The following LRRC69 variants were observed in gnomAD, a reference collection of about 807,000 sequenced individuals.
LRRC69 encodes leucine-rich repeat-containing protein 69.
LRRC69 carries 42 observed loss-of-function variants against 37.8 expected under a neutral mutation model. That is an observed-to-expected ratio of 1.11 (90% CI 0.87 to 1.44). LRRC69 has a LOEUF of 1.44. LRRC69 is among the 40% of genes most tolerant of loss of function. The pLI is 0.00. For synonymous variants in LRRC69, 141 were observed against 143.1 expected, an observed-to-expected ratio of 0.99 and a Z score of 0.11; for missense variants, 357 against 401.9, an observed-to-expected ratio of 0.89 and a Z score of 0.96.
chr8:91,160,626 G>A (rs978180580), intron 5 of LRRC69, among the ~76,000 whole-genome samples: 2 of 151,216 alleles, frequency 1.3e-5, no homozygotes, highest in African/African-American at 2.4e-5. Flanking sequence ...CTGACCATGT[G>A]AAGATGTGCC....
chr8:91,114,366 G>A (rs540695953), intron 1 of LRRC69, among the ~76,000 whole-genome samples: 10 of 151,986 alleles, frequency 6.6e-5, no homozygotes, highest in East Asian at 1.9e-4. Context: ...TCATTGCAGC[G>A]TTATTCACAA....
intron 7 of LRRC69, among the ~76,000 whole-genome samples, chr8:91,217,159 G>A (rs991050471): frequency 1.3e-5 from 2 of 152,082 alleles, no homozygotes; most frequent in African/African-American, 4.8e-5. Context: ...ATTCTTAGAG[G>A]CAGGGATTGT....
chr8:91,111,247 A>G (rs1813405971), intron 1 of LRRC69, among the ~76,000 whole-genome samples: 1 of 152,060 alleles, frequency 6.6e-6, no homozygotes, highest in Non-Finnish European at 1.5e-5. Flanking sequence ...AAAAAATGAG[A>G]TTATGGGCCA....
chr8:91,138,757 A>G (rs1808470127), intron 5 of LRRC69: 1 of 151,994 alleles, frequency 6.6e-6, no homozygotes, highest in South Asian at 2.1e-4. Context: ...TAGTGAATTA[A>G]TTGTTTCAGA....
intron 5 of LRRC69, among the ~76,000 whole-genome samples, chr8:91,146,563 T>A (rs1230273707): frequency 6.6e-6 from 1 of 151,738 alleles, no homozygotes; most frequent in Non-Finnish European, 1.5e-5. Flanking sequence ...CCAAGTAATC[T>A]CTATGGAGTT....
At chr8:91,148,348 T>G (rs1808662356) in intron 5 of LRRC69, among the ~76,000 whole-genome samples, 1 of 151,046 alleles carries the variant, frequency 6.6e-6, no homozygotes, top group Non-Finnish European at 1.5e-5. Flanking sequence ...TTTTTTGTCC[T>G]TGTGATAGTC....
At chr8:91,137,092 T>A (rs779893291) in intron 5 of LRRC69, among the ~76,000 whole-genome samples, 6 of 152,092 alleles carry the variant, frequency 3.9e-5, no homozygotes, top group African/African-American at 4.8e-5. Context: ...TTGAATCATA[T>A]GGTAATTCTA....
intron 7 of LRRC69, among the ~76,000 whole-genome samples, chr8:91,202,154 C>T (rs1009802320): frequency 5.9e-5 from 9 of 151,990 alleles, no homozygotes; most frequent in Non-Finnish European, 1.2e-4. Flanking sequence ...TGTAGTTAAC[C>T]GAGATTGCAC....
intron 7 of LRRC69, among the ~76,000 whole-genome samples, chr8:91,215,217 T>C (rs1810021790): frequency 6.6e-6 from 1 of 152,092 alleles, no homozygotes; most frequent in South Asian, 2.1e-4. Flanking sequence ...GATGTGGACA[T>C]CTTTGGGGGG....
At chr8:91,176,134 A>ATATATATATATATATTTTT in intron 5 of LRRC69, among the ~76,000 whole-genome samples, 4 of 75,710 alleles carry the variant, frequency 5.3e-5, no homozygotes, top group African/African-American at 1.2e-4. Context: ...ATATATATAT[A>ATATATATATATATATTTTT]TTTTTTTTTT....
intron 5 of LRRC69, among the ~76,000 whole-genome samples, chr8:91,184,609 G>A (rs892157744): frequency 6.6e-6 from 1 of 152,194 alleles, no homozygotes; most frequent in Non-Finnish European, 1.5e-5. Flanking sequence ...GCACATGTGA[G>A]AAGGTCTTCA....
chr8:91,102,926 C>A (rs1219560486), intron 1 of LRRC69, 82 bp downstream of exon 1: 6 of 1,279,976 alleles, frequency 4.7e-6, no homozygotes, highest in Non-Finnish European at 6.4e-6. Context: ...AGAGACAGAA[C>A]AATAACACTT....
intron 6 of LRRC69, among the ~76,000 whole-genome samples, chr8:91,195,940 T>C: frequency 6.6e-6 from 1 of 152,240 alleles, no homozygotes; most frequent in Non-Finnish European, 1.5e-5. Flanking sequence ...TTCCTAGTCC[T>C]GATGGTCTTT....
At chr8:91,178,873 C>A (rs945208395) in intron 5 of LRRC69, among the ~76,000 whole-genome samples, 2 of 152,182 alleles carry the variant, frequency 1.3e-5, no homozygotes, top group Admixed American at 1.3e-4. Context: ...CAGTTTCATT[C>A]CTGGATGTTT....
At chr8:91,116,844 G>C (rs1418227735) in intron 1 of LRRC69, among the ~76,000 whole-genome samples, 1 of 151,934 alleles carries the variant, frequency 6.6e-6, no homozygotes, top group African/African-American at 2.4e-5. Flanking sequence ...TTAATAATCT[G>C]TATGTTTTCT....
At chr8:91,199,680 C>T (rs1402664526) in intron 6 of LRRC69, among the ~76,000 whole-genome samples, 1 of 152,046 alleles carries the variant, frequency 6.6e-6, no homozygotes, top group East Asian at 1.9e-4. Flanking sequence ...AATAAATCAT[C>T]CCCAAACACT....
chr8:91,216,664 C>T (rs888396448), intron 7 of LRRC69, among the ~76,000 whole-genome samples: 1 of 152,136 alleles, frequency 6.6e-6, no homozygotes, highest in Non-Finnish European at 1.5e-5. Flanking sequence ...CATATTTAGC[C>T]TGTCTTTTGC....
chr8:91,174,938 G>A (rs1373896823), intron 5 of LRRC69, among the ~76,000 whole-genome samples: 3 of 151,976 alleles, frequency 2.0e-5, no homozygotes, highest in Non-Finnish European at 4.4e-5. Flanking sequence ...AGGATTGGGA[G>A]TCTTAGATTG....
intron 6 of LRRC69, among the ~76,000 whole-genome samples, chr8:91,191,839 AT>A (rs962899883): frequency 1.3e-3 from 199 of 150,654 alleles, no homozygotes; most frequent in South Asian, 1.9e-3. Context: ...ACAAAAGTTA[AT>A]TTTTTTTTTC....
Sources: gnomAD v4.1 joint callset for allele counts (sites outside exome capture counted in the v4.1 genomes callset) on GRCh38, gnomAD v4.1.1 for gene constraint, MANE v1.5 for transcripts, NCBI Gene and HGNC (gene_info 2026-07-23, HGNC 2026-07-21) for gene names.